NPDC1: variants seen among roughly 807,000 people sequenced by gnomAD.
NPDC1 encodes neural proliferation, differentiation and control 1.
A neutral mutation model predicts 32.5 loss-of-function variants in NPDC1; 18 were observed. The observed-to-expected ratio is 0.55, with a 90% CI of 0.38 to 0.82. The LOEUF (loss-of-function observed/expected upper bound fraction) is 0.82, where lower values mean the gene tolerates loss of function less well. Ranked by LOEUF, NPDC1 falls within the 40% of genes least tolerant of loss-of-function variation. NPDC1 has a pLI of 0.00. For synonymous variants in NPDC1, 210 were observed against 184.7 expected, an observed-to-expected ratio of 1.14 and a Z score of -1.11; for missense variants, 468 against 406.6, an observed-to-expected ratio of 1.15 and a Z score of -1.30.
intron 1 of NPDC1, 125 bp from the exon 2 acceptor site, chr9:137,043,198 A>G: frequency 2.3e-6 from 2 of 886,176 alleles, no homozygotes; most frequent in East Asian, 1.0e-4. Flanking sequence ...GGTTCTGGCC[A>G]TTGTTCTGGA....
chr9:137,042,460 T>C (rs901727181), intron 2 of NPDC1, among the ~76,000 whole-genome samples: 8 of 151,892 alleles, frequency 5.3e-5, no homozygotes, highest in Non-Finnish European at 1.0e-4. Flanking sequence ...GGTTTCACCG[T>C]GTTAGCCAGG....
Position 137,040,930 on chromosome 9 carries a change from G to T in NPDC1, c.440C>A (p.Thr147Asn), listed in dbSNP as rs757064176. 3 of 1,562,048 alleles carry T rather than the reference G, an allele frequency of 1.9e-6. No individual in the cohort carries two copies. Among genetic ancestry groups the T allele is most frequent in the Non-Finnish European group, 2.6e-6 (3 of 1,157,322 alleles). The change falls in exon 4 of 9, where the codon ACT becomes AAT. Residue 147 changes from threonine to asparagine, a missense_variant. Coordinates refer to ENST00000371601, the MANE Select transcript of NPDC1 (RefSeq NM_015392.4). ...GQGLELGLPS[T>N]PGTPTPTPHT... Reference sequence around the variant, plus strand: ...GGGCGTGGGCGTGGGGGTTCCTGGAGTGGAGGGGAGGCCCAGCTCCAGCCC... The same window carrying T: ...GGGCGTGGGCGTGGGGGTTCCTGGATTGGAGGGGAGGCCCAGCTCCAGCCC...
chr9:137,046,113 G>A lies in NPDC1; in HGVS notation c.-124C>T. On this transcript the variant is annotated 5_prime_UTR_variant, in exon 1 of 9. Transcript: ENST00000371601. ...GACGCAGGAGGAAGAAGAGGCGGATGCCAAGGAGGAGGAGGAGGAAGAGGA... is the reference window on the plus strand; with the variant it reads ...GACGCAGGAGGAAGAAGAGGCGGATACCAAGGAGGAGGAGGAGGAAGAGGA... 1 of 1,091,632 alleles carries A rather than the reference G, an allele frequency of 9.2e-7. No individual in the cohort carries two copies. Among genetic ancestry groups the A allele is most frequent in the Non-Finnish European group, 1.1e-6 (1 of 897,406 alleles). The allele number at this position is 1,091,632 out of a possible 1,614,324, so 67.6% of individuals were successfully genotyped here. A position where few individuals can be genotyped will look rare whatever the true frequency, so the allele number is the denominator to read the frequency against.
chr9:137,045,706 A>G (rs1363799503), intron 1 of NPDC1, among the ~76,000 whole-genome samples, 172 bp downstream of exon 1: 1 of 151,922 alleles, frequency 6.6e-6, no homozygotes, highest in Non-Finnish European at 1.5e-5. Context: ...CCCTCCGGCC[A>G]GGCCTGTTTA....
In NPDC1 at chr9:137,041,069, C is replaced by T. The variant is rs370736363; in HGVS notation, c.378G>A (p.Pro126=). The T allele has an allele frequency of 2.3e-5, 35 of 1,520,582 alleles. No individual in the cohort carries two copies. Among genetic ancestry groups the T allele is most frequent in the Middle Eastern group, 1.8e-4 (1 of 5,686 alleles). 94.2% of individuals were successfully genotyped at this position (1,520,582 alleles called of 1,614,324 possible). The change falls in exon 3 of 9, where the codon CCG becomes CCA. Residue 126 remains proline, a synonymous_variant. Coordinates refer to ENST00000371601, the MANE Select transcript of NPDC1 (RefSeq NM_015392.4). ...PPLPKDRQRL[P]EPATLGFSAR... ...GGGAAGCGGGGGTCTCACCAGGCTCCGGGAGCCGCTGTCGGTCCTTGGGTA... is the reference window on the plus strand; with the variant it reads ...GGGAAGCGGGGGTCTCACCAGGCTCTGGGAGCCGCTGTCGGTCCTTGGGTA...
In NPDC1 at chr9:137,039,689, G is replaced by C. The variant is rs1044094337; in HGVS notation, c.*83C>G. 1.9e-5 allele frequency: 12 copies of C among 638,532 alleles called. No individual in the cohort carries two copies. The highest frequency in any genetic ancestry group is 2.5e-4 in the Middle Eastern group (1 of 4,034). The allele number at this position is 638,532 out of a possible 1,614,324, so 39.6% of individuals were successfully genotyped here. A position where few individuals can be genotyped will look rare whatever the true frequency, so the allele number is the denominator to read the frequency against. On this transcript the variant is annotated 3_prime_UTR_variant, in exon 9 of 9. Coordinates refer to ENST00000371601, the MANE Select transcript of NPDC1 (RefSeq NM_015392.4). ...CCAAAAGCACACAGCATCAAAACAT[G>C]TTTTTAGTGGGAAGCTCCAGGCCCT...
rs79953855 is a variant in NPDC1, at chr9:137,045,101, G to A, written c.112+777C>T. Among the ~76,000 whole-genome samples, 533 of 152,346 alleles carry A rather than the reference G, an allele frequency of 3.5e-3. 2 individuals are homozygous for A. The highest frequency in any genetic ancestry group is 0.012 in the African/African-American group (515 of 41,576). On this transcript the variant is annotated intron_variant, in intron 1 of 8. Coordinates refer to ENST00000371601, the MANE Select transcript of NPDC1 (RefSeq NM_015392.4). Reference sequence around the variant, plus strand: ...CCCAGTTCAGTCCCCCCAGAAAAACGTCAGCTTTGCATCCTGGGTTCCTGC... The same window carrying A: ...CCCAGTTCAGTCCCCCCAGAAAAACATCAGCTTTGCATCCTGGGTTCCTGC...
chr9:137,043,514 G>A (rs909497510), intron 1 of NPDC1: 7 of 609,232 alleles, frequency 1.1e-5, no homozygotes, highest in East Asian at 8.3e-5. Context: ...TGCCGCCAGC[G>A]ACCTCTCCTT....
intron 1 of NPDC1, among the ~76,000 whole-genome samples, chr9:137,044,505 C>T (rs1588549807): frequency 6.6e-6 from 1 of 152,220 alleles, no homozygotes; most frequent in East Asian, 1.9e-4. Context: ...AGCCCTTTTC[C>T]CCAGCCCAGG....
At position 137,046,030 on chromosome 9, in the gene NPDC1, C is replaced by G; in HGVS notation, c.-41G>C. 2 of 1,180,106 alleles carry G rather than the reference C, an allele frequency of 1.7e-6. No homozygotes were observed. The highest frequency in any genetic ancestry group is 2.1e-6 in the Non-Finnish European group (2 of 954,350). 73.1% of individuals were successfully genotyped at this position (1,180,106 alleles called of 1,614,324 possible). On this transcript the variant is annotated 5_prime_UTR_variant, in exon 1 of 9. Coordinates refer to ENST00000371601, the MANE Select transcript of NPDC1 (RefSeq NM_015392.4). Reference sequence around the variant, plus strand: ...CCGGGGCAGCATGGCACCGCGAGGCCAGGGGCTCGGCGCGGGCTCCGGGCT... The same window carrying G: ...CCGGGGCAGCATGGCACCGCGAGGCGAGGGGCTCGGCGCGGGCTCCGGGCT...
intron 2 of NPDC1, 83 bp from the exon 3 acceptor site, chr9:137,041,270 C>T: frequency 3.8e-6 from 5 of 1,325,884 alleles, no homozygotes; most frequent in Non-Finnish European, 4.8e-6. Context: ...CTGGCAGGTT[C>T]CTCCCAGGAG....
Position 137,041,192 on chromosome 9 carries a change from G to A in NPDC1, c.260-5C>T. The stretch of plus-strand genomic sequence containing the variant: ...TGGGCTGGGGCCGGCCCCCGCCTGG[G>A]GAGGGTGAGGGGCCATCAGGTGGAG... On this transcript the variant is annotated splice_region_variant and splice_polypyrimidine_tract_variant and intron_variant, in intron 2 of 8. Coordinates refer to ENST00000371601, the MANE Select transcript of NPDC1 (RefSeq NM_015392.4). The A allele has an allele frequency of 1.4e-6, 2 of 1,432,252 alleles. No homozygotes were observed. Among genetic ancestry groups the A allele is most frequent in the Non-Finnish European group, 1.8e-6 (2 of 1,091,548 alleles). 88.7% of individuals were successfully genotyped at this position (1,432,252 alleles called of 1,614,324 possible). A position where few individuals can be genotyped will look rare whatever the true frequency, so the allele number is the denominator to read the frequency against.
At chr9:137,044,541 C>T in intron 1 of NPDC1, among the ~76,000 whole-genome samples, 1 of 152,176 alleles carries the variant, frequency 6.6e-6, no homozygotes. Flanking sequence ...CTTCCTCCTC[C>T]TGAAAAGAGG....
At position 137,040,362 on chromosome 9, in the gene NPDC1, C is replaced by T. The variant is rs561658671; in HGVS notation, c.783G>A (p.Leu261=). 12 of 1,543,828 alleles carry T rather than the reference C, an allele frequency of 7.8e-6. No individual in the cohort carries two copies. Among genetic ancestry groups the T allele is most frequent in the Non-Finnish European group, 1.0e-5 (12 of 1,146,634 alleles). The change falls in exon 7 of 9, where the codon CTG becomes CTA. Residue 261 remains leucine (L), a synonymous_variant. Transcript: ENST00000371601. ...YQHQRQQMLC[L]ERHKEPPKEL... is the part of the protein sequence containing the mutation. ...GTGCCGGGGCGGCCACTCACCGCTC[C>T]AGGCACAGCATCTGTTGCCGTTGGT...
chr9:137,040,529 T>C lies in NPDC1; in HGVS notation c.693A>G (p.Ala231=), dbSNP rs2131500942. 1.3e-6 allele frequency: 2 copies of C among 1,590,272 alleles called. No homozygotes were observed. The highest frequency in any genetic ancestry group is 1.1e-5 in the South Asian group (1 of 88,388). ...GGCCACACACCGAGATCCGGGGAGC[T>C]GCAGGTGAGCCAGGGGCCTTCGCAG... ...YATAKAPGSP[A]APRISPGDQR... The change falls in exon 6 of 9, where the codon GCA becomes GCG. Residue 231 remains alanine, a synonymous_variant. Coordinates refer to ENST00000371601, the MANE Select transcript of NPDC1 (RefSeq NM_015392.4).
At chr9:137,044,309 G>A (rs1242513689) in intron 1 of NPDC1, among the ~76,000 whole-genome samples, 1 of 152,216 alleles carries the variant, frequency 6.6e-6, no homozygotes, top group Non-Finnish European at 1.5e-5. Context: ...GTATCAGTGG[G>A]CCGGGACTTG....
chr9:137,039,832 G>C lies in NPDC1; in HGVS notation c.918C>G (p.Phe306Leu). ...GGGGCGCGGACAGTGCGGCGTGGTC[G>C]AACAGAGGGTTGCGCACCTCCATTT... is the stretch of plus-strand genomic sequence containing the variant. ...TGEMEVRNPL[F>L]DHAALSAPLP... Residue 306 changes from phenylalanine (F) to leucine (L), a missense_variant, in exon 9 of 9, where the codon TTC (phenylalanine) becomes TTG (leucine). Coordinates refer to ENST00000371601, the MANE Select transcript of NPDC1 (RefSeq NM_015392.4). 1 of 779,278 alleles carries C rather than the reference G, an allele frequency of 1.3e-6. No individual in the cohort carries two copies. Among genetic ancestry groups the C allele is most frequent in the Non-Finnish European group, 2.4e-6 (1 of 417,964 alleles). The allele number at this position is 779,278 out of a possible 1,614,324, so 48.3% of individuals were successfully genotyped here.
In NPDC1 at chr9:137,039,533, T is replaced by C; in HGVS notation, c.*239A>G. The stretch of plus-strand genomic sequence containing the variant: ...ACCCACCCGTTCCTGCGCTCTACGG[T>C]TCTCCATGCCCCCTCCAGTTTGGGG... On this transcript the variant is annotated 3_prime_UTR_variant, in exon 9 of 9. Transcript: ENST00000371601. 2 of 511,374 alleles carry C rather than the reference T, an allele frequency of 3.9e-6. 1 individual carries two copies. Among genetic ancestry groups the C allele is most frequent in the Middle Eastern group, 9.6e-4 (2 of 2,084 alleles). The allele number at this position is 511,374 out of a possible 1,614,324, so 31.7% of individuals were successfully genotyped here. A position where few individuals can be genotyped will look rare whatever the true frequency, so the allele number is the denominator to read the frequency against.
rs372887684 is a variant in NPDC1, at chr9:137,040,989, G to A, written c.386-5C>T. On this transcript the variant is annotated splice_region_variant and splice_polypyrimidine_tract_variant and intron_variant, in intron 3 of 8. Coordinates refer to ENST00000371601, the MANE Select transcript of NPDC1 (RefSeq NM_015392.4). Reference sequence around the variant, plus strand: ...GTGCCGAGAAGCCCAGGGTGGCTGCGAGAGAGGACAGGTTAGAATGAGAGC... The same window carrying A: ...GTGCCGAGAAGCCCAGGGTGGCTGCAAGAGAGGACAGGTTAGAATGAGAGC... The A allele has an allele frequency of 4.6e-5, 71 of 1,532,468 alleles. No individual in the cohort carries two copies. The Middle Eastern group carries it at 8.7e-4, about 19-fold the overall frequency. The allele number at this position is 1,532,468 out of a possible 1,614,324, so 94.9% of individuals were successfully genotyped here. A position where few individuals can be genotyped will look rare whatever the true frequency, so the allele number is the denominator to read the frequency against.
Sources: allele counts gnomAD v4.1 joint callset (sites outside exome capture counted in the v4.1 genomes callset), GRCh38; gene constraint gnomAD v4.1.1; transcripts MANE v1.5; gene names NCBI Gene and HGNC (gene_info 2026-07-23, HGNC 2026-07-21).